The following XKR6 variants were observed in gnomAD, a reference collection of about 807,000 sequenced individuals.
XKR6 encodes the protein XK-related protein 6.
Under a neutral mutation model 56.7 loss-of-function variants are expected in XKR6, and 22 were observed. The ratio of observed to expected loss-of-function variants is 0.39; its 90% confidence interval spans 0.28 to 0.55. The LOEUF (loss-of-function observed/expected upper bound fraction) is 0.55. XKR6 is among the 20% of genes least tolerant of loss of function. The pLI is 0.66. For synonymous variants in XKR6, 524 were observed against 387.8 expected, an observed-to-expected ratio of 1.35 and a Z score of -4.13; for missense variants, 852 against 889.0, an observed-to-expected ratio of 0.96 and a Z score of 0.53.
chr8:11,105,236 A>T (rs759855232), intron 1 of XKR6: 1 of 152,232 alleles, frequency 6.6e-6, no homozygotes, highest in Non-Finnish European at 1.5e-5. Flanking sequence ...AAAAGAATGT[A>T]TATCTTTAGA....
intron 1 of XKR6, chr8:11,002,377 C>A (rs2129143394): frequency 3.0e-6 from 1 of 334,400 alleles, no homozygotes; most frequent in Non-Finnish European, 6.4e-6. Flanking sequence ...GAAGGCTCAG[C>A]CAGCACTCAC....
At chr8:11,069,947 T>A (rs1800075080) in intron 1 of XKR6, among the ~76,000 whole-genome samples, 1 of 152,168 alleles carries the variant, frequency 6.6e-6, no homozygotes, top group African/African-American at 2.4e-5. Flanking sequence ...CAAGGATTAG[T>A]CAATAGAGGC....
Position 11,200,669 on chromosome 8 carries a change from A to T in XKR6, c.671T>A (p.Val224Asp). The T allele has an allele frequency of 1.3e-6, 2 of 1,558,058 alleles. No homozygotes were observed. Among genetic ancestry groups the T allele is most frequent in the Non-Finnish European group, 8.6e-7 (1 of 1,163,238 alleles). Residue 224 changes from valine (V) to aspartate (D), a missense_variant, in exon 1 of 3, where the codon GTC becomes GAC. Physicochemically the swap from Val to Asp is radical, Grantham distance 152 (BLOSUM62 -3). Around this residue, in one of 4 missense-constraint regions of XKR6, gnomAD observed 417 missense variants for 355.2 expected, o/e 1.17. Coordinates refer to ENST00000416569, the MANE Select transcript of XKR6 (RefSeq NM_173683.4). This position sits in a 1 kb window ranked among gnomAD's most constrained non-coding sequence, Gnocchi z 6.4. ...GAARGGPGVR[V>D]SPTPGAQRLC... ...GCGCTGCGCCCCCGGCGTGGGGGAG[A>T]CCCTCACGCCTGGGCCACCGCGGGC... is the stretch of plus-strand genomic sequence containing the variant.
intron 2 of XKR6, among the ~76,000 whole-genome samples, chr8:10,904,818 A>G (rs1205253450): frequency 2.6e-5 from 4 of 152,190 alleles, no homozygotes; most frequent in African/African-American, 9.7e-5. Context: ...ATGGTCACCA[A>G]CTGCCCCTGA....
At chr8:11,171,841 T>C (rs921532929) in intron 1 of XKR6, among the ~76,000 whole-genome samples, 7 of 147,698 alleles carry the variant, frequency 4.7e-5, no homozygotes, top group Non-Finnish European at 9.0e-5. Flanking sequence ...CCATGTGAGG[T>C]CAGGAGTTCA....
chr8:10,926,260 G>A (rs925668561), intron 1 of XKR6, among the ~76,000 whole-genome samples: 6 of 152,146 alleles, frequency 3.9e-5, no homozygotes, highest in African/African-American at 9.7e-5. Context: ...GAGGGATGCT[G>A]GAGTCTCCTC....
At chr8:10,928,360 TTACCTGGTGTCTGTCTCC>T (rs1219088307) in intron 1 of XKR6, among the ~76,000 whole-genome samples, 13 of 152,202 alleles carry the variant, frequency 8.5e-5, no homozygotes, top group Non-Finnish European at 1.0e-4. Context: ...CCTCCTAGCT[TTACCTGGTGTCTGTCTCC>T]CTCAAGATCT....
chr8:10,910,913 G>A (rs951665627), intron 2 of XKR6, among the ~76,000 whole-genome samples: 12 of 152,232 alleles, frequency 7.9e-5, no homozygotes, highest in Non-Finnish European at 1.3e-4. Flanking sequence ...AGCAAACTGT[G>A]GAGATGGCCG....
At position 11,039,592 on chromosome 8, in the gene XKR6, C is replaced by A. The variant is rs182785148; in HGVS notation, c.765-114762G>T. Among the ~76,000 whole-genome samples, 323 of 152,320 alleles carry A rather than the reference C, an allele frequency of 2.1e-3. 1 individual carries two copies. The highest frequency in any genetic ancestry group is 5.3e-3 in the African/African-American group (222 of 41,584). On this transcript the variant is annotated intron_variant, in intron 1 of 2. Transcript: ENST00000416569. ...CAGAGACAACACGCGCTGGCCCCAA[C>A]GTCCAGGGTGGATGGAACAAGACCT...
rs140509576 is a variant in XKR6 at position 11,155,001 on chromosome 8, C to A, written c.764+45575G>T. On this transcript the variant is annotated intron_variant, in intron 1 of 2. Transcript: ENST00000416569. ...TCAAGAAATATAAAATGTTTTCAAG[C>A]AGCACAGCTTCATATTATCCGAGCT... 6.0e-3 allele frequency among the ~76,000 whole-genome samples: 914 copies of A among 152,310 alleles called. 10 individuals are homozygous for A. Among genetic ancestry groups the A allele is most frequent in the African/African-American group, 0.021 (867 of 41,574 alleles).
At chr8:11,041,504 C>T (rs1197787037) in intron 1 of XKR6, among the ~76,000 whole-genome samples, 2 of 151,024 alleles carry the variant, frequency 1.3e-5, no homozygotes, top group African/African-American at 4.9e-5. Context: ...TGCAGTGAGT[C>T]AAGATCTTGC....
intron 1 of XKR6, among the ~76,000 whole-genome samples, chr8:11,170,879 T>C (rs1802332846): frequency 6.6e-6 from 1 of 152,218 alleles, no homozygotes; most frequent in Non-Finnish European, 1.5e-5. Context: ...TTCTGAGCTT[T>C]AAATAATTTA....
intron 1 of XKR6, among the ~76,000 whole-genome samples, chr8:11,096,326 T>C (rs919633009): frequency 4.6e-5 from 7 of 151,552 alleles, no homozygotes; most frequent in African/African-American, 1.7e-4. Context: ...TGCCAACTTG[T>C]CAACAAATAC....
At chr8:11,136,200 G>C (rs910435057) in intron 1 of XKR6, among the ~76,000 whole-genome samples, 26 of 152,304 alleles carry the variant, frequency 1.7e-4, no homozygotes, top group African/African-American at 5.8e-4. Flanking sequence ...TCCATTACTA[G>C]GGACTGAATG....
intron 1 of XKR6, among the ~76,000 whole-genome samples, chr8:11,090,598 G>A (rs1055268726): frequency 7.2e-5 from 11 of 152,150 alleles, no homozygotes; most frequent in Non-Finnish European, 1.3e-4. Flanking sequence ...ATATGAAACA[G>A]TATGTTATTG....
At chr8:10,970,091 G>A (rs146658369) in intron 1 of XKR6, among the ~76,000 whole-genome samples, 70 of 152,348 alleles carry the variant, frequency 4.6e-4, no homozygotes, top group African/African-American at 1.5e-3. Context: ...ACCTCTCGCA[G>A]GAGTGGGCTG....
intron 1 of XKR6, among the ~76,000 whole-genome samples, chr8:11,143,497 G>C (rs918349716): frequency 1.3e-5 from 2 of 152,268 alleles, no homozygotes; most frequent in Admixed American, 6.5e-5. Context: ...AGCGCAGACT[G>C]AGAAACAACA....
At chr8:11,116,568 T>C (rs1475442936) in intron 1 of XKR6, among the ~76,000 whole-genome samples, 4 of 152,056 alleles carry the variant, frequency 2.6e-5, no homozygotes, top group African/African-American at 4.8e-5. Context: ...ACGGGGTTTC[T>C]CCATGTTGGC....
intron 1 of XKR6, among the ~76,000 whole-genome samples, chr8:10,963,390 G>T (rs975469857): frequency 8.5e-5 from 13 of 152,150 alleles, no homozygotes; most frequent in Admixed American, 5.2e-4. Flanking sequence ...TTTTTCCATA[G>T]CCATTTCCAT....
Sources: gnomAD v4.1 joint callset for allele counts (sites outside exome capture counted in the v4.1 genomes callset) on GRCh38, gnomAD v4.1.1 for gene constraint, gnomAD v4.1.1 regional missense constraint, Gnocchi (gnomAD v3.1) non-coding constraint, MANE v1.5 for transcripts, NCBI Gene and HGNC (gene_info 2026-07-23, HGNC 2026-07-21) for gene names.